Variants in SETD2 observed in about 807,000 individuals in gnomAD.
SETD2 encodes the protein histone-lysine N-methyltransferase SETD2.
Under a neutral mutation model 242.1 loss-of-function variants are expected in SETD2, and 31 were observed. The ratio of observed to expected loss-of-function variants is 0.13; its 90% confidence interval spans 0.10 to 0.17. The LOEUF is 0.17. Among genes scored for constraint, SETD2 ranks in the 10% least tolerant of loss-of-function variants. The pLI is 1.00. For synonymous variants in SETD2, 1,006 were observed against 1,066.5 expected (o/e 0.94, Z 1.11); for missense variants, 2,481 against 3,046.3 (o/e 0.81, Z 4.37).
In SETD2 at chr3:47,038,431, C is replaced by T. The variant is rs540921332; in HGVS notation, c.7239-654G>A. On this transcript the variant is annotated intron_variant, in intron 17 of 20. Coordinates refer to ENST00000409792, the MANE Select transcript of SETD2 (RefSeq NM_014159.7). ...GAGTTCGAGACCAGCCTGGCCAACACGGTGAAACCCCATCTCTACTATAAA... is the reference window on the plus strand; with the variant it reads ...GAGTTCGAGACCAGCCTGGCCAACATGGTGAAACCCCATCTCTACTATAAA... Among the ~76,000 whole-genome samples, 267 of 152,074 alleles carry T rather than the reference C, an allele frequency of 1.8e-3. 2 individuals are homozygous for T. Among genetic ancestry groups the T allele is most frequent in the African/African-American group, 6.1e-3 (254 of 41,492 alleles).
In SETD2 at chr3:47,120,902, T is replaced by C. The variant is rs554290065; in HGVS notation, c.3734A>G (p.His1245Arg). ...LSFSSSCEIPHVDGLHSSEEL... is the reference protein window; with the variant it reads ...LSFSSSCEIPRVDGLHSSEEL... ...TTCTGATGAGTGCAAGCCATCCACA[T>C]GTGGTATCTCACAAGAGGAAGAAAA... The change falls in exon 3 of 21, where the codon CAT becomes CGT. Residue 1245 changes from histidine (H) to arginine (R), a missense_variant. His to Arg is a conservative substitution (Grantham distance 29, BLOSUM62 0). Transcript: ENST00000409792. The C allele has an allele frequency of 6.2e-7, 1 of 1,614,216 alleles. No homozygotes were observed. The highest frequency in any genetic ancestry group is 2.2e-5 in the East Asian group (1 of 44,890).
Position 47,121,996 on chromosome 3 carries a change from A to C in SETD2, c.2640T>G (p.Ala880=), listed in dbSNP as rs1252783917. Reference sequence around the variant, plus strand: ...CTGGTGGAAGACTCTGAAGAGATGAAGCAATACCTGAACTCCCAATAGGTT... The same window carrying C: ...CTGGTGGAAGACTCTGAAGAGATGACGCAATACCTGAACTCCCAATAGGTT... ...LYQPIGSSGI[A]SSLQSLPPGI... The change falls in exon 3 of 21, where the codon GCT becomes GCG. Residue 880 remains alanine (A), a synonymous_variant. Transcript: ENST00000409792. 1 of 1,613,880 alleles carries C rather than the reference A, an allele frequency of 6.2e-7. No individual in the cohort carries two copies. The highest frequency in any genetic ancestry group is 1.3e-5 in the African/African-American group (1 of 74,940).
Position 47,122,521 on chromosome 3 carries a change from C to T in SETD2, c.2115G>A (p.Ser705=), listed in dbSNP as rs771398677. Residue 705 remains serine (S), a synonymous_variant, in exon 3 of 21, where the codon TCG becomes TCA. Transcript: ENST00000409792. ...ATGCTTTGACCAAAGGGGATAATTC[C>T]GATCCAGTCACACTATCATCAGAAG... ...LMTSDDSVTG[S]ELSPLVKACM... 23 of 1,613,926 alleles carry T rather than the reference C, an allele frequency of 1.4e-5. No homozygotes were observed. The Admixed American group carries it at 2.0e-4, about 14-fold the overall frequency.
chr3:47,037,799 C>A (rs937305764), intron 17 of SETD2, 22 bp from the exon 18 acceptor site: 3 of 1,561,396 alleles, frequency 1.9e-6, no homozygotes, highest in South Asian at 1.1e-5. Flanking sequence ...CAAAAACAGC[C>A]ATGCTGTCAG....
At chr3:47,131,289 C>T (rs1242722348) in intron 1 of SETD2, among the ~76,000 whole-genome samples, 2 of 152,132 alleles carry the variant, frequency 1.3e-5, no homozygotes, top group Non-Finnish European at 2.9e-5. Context: ...AGAACTGTGA[C>T]CAACAAATAG....
At chr3:47,073,983 T>C (rs1054365679) in intron 12 of SETD2, among the ~76,000 whole-genome samples, 3 of 152,222 alleles carry the variant, frequency 2.0e-5, no homozygotes, top group African/African-American at 7.2e-5. Flanking sequence ...TAATTTTTAG[T>C]AACTTAGCCA....
chr3:47,056,721 A>G (rs1007188244), intron 15 of SETD2, 100 bp downstream of exon 15: 2 of 875,564 alleles, frequency 2.3e-6, no homozygotes, highest in African/African-American at 1.7e-5. Flanking sequence ...ATCAATATAT[A>G]CAAGTAGTCC....
intron 8 of SETD2, among the ~76,000 whole-genome samples, chr3:47,100,026 G>A (rs1403905420): frequency 6.6e-6 from 1 of 150,988 alleles, no homozygotes; most frequent in Non-Finnish European, 1.5e-5. Context: ...AGGCTGGAGT[G>A]CAGTAGCACG....
At chr3:47,094,434 A>T (rs2041926776) in intron 9 of SETD2, among the ~76,000 whole-genome samples, 1 of 152,254 alleles carries the variant, frequency 6.6e-6, no homozygotes, top group Non-Finnish European at 1.5e-5. Context: ...CATTATTAAC[A>T]TCTTCTTGTC....
intron 12 of SETD2, among the ~76,000 whole-genome samples, chr3:47,077,211 A>C (rs1244758193): frequency 6.6e-6 from 1 of 152,090 alleles, no homozygotes; most frequent in Non-Finnish European, 1.5e-5. Context: ...CAGCCTCCCG[A>C]GTAGCTGGGA....
At chr3:47,134,455 A>T (rs2043548519) in intron 1 of SETD2, among the ~76,000 whole-genome samples, 1 of 152,162 alleles carries the variant, frequency 6.6e-6, no homozygotes, top group Admixed American at 6.6e-5. Context: ...GACTATGGTC[A>T]TACACATTTG....
At chr3:47,041,654 G>C (rs936689799) in intron 17 of SETD2, among the ~76,000 whole-genome samples, 4 of 151,390 alleles carry the variant, frequency 2.6e-5, no homozygotes, top group African/African-American at 4.9e-5. Context: ...CACACACACA[G>C]AGACACACAC....
At chr3:47,151,128 T>C (rs1000440929) in intron 1 of SETD2, among the ~76,000 whole-genome samples, 1 of 152,046 alleles carries the variant, frequency 6.6e-6, no homozygotes, top group African/African-American at 2.4e-5. Flanking sequence ...GAACATATTC[T>C]ATAATATATT....
In SETD2 at chr3:47,101,633, T is replaced by TGTGTGTGTGTGC. The variant is rs1553694870; in HGVS notation, c.4918-79_4918-78insGCACACACACAC. ...GTGTGTGTGTGTGTGTGTGTGTGTG[T>TGTGTGTGTGTGC]GCGCATATATAAAGATCATCATCAT... is the stretch of plus-strand genomic sequence containing the variant. On this transcript the variant is annotated intron_variant, in intron 7 of 20. Coordinates refer to ENST00000409792, the MANE Select transcript of SETD2 (RefSeq NM_014159.7). 24 of 670,380 alleles carry TGTGTGTGTGTGC rather than the reference T, an allele frequency of 3.6e-5. No homozygotes were observed. In the African/African-American group the frequency reaches 4.1e-4, roughly 11 times the overall value. The allele number at this position is 670,380 out of a possible 1,614,324, so 41.5% of individuals were successfully genotyped here. A position where few individuals can be genotyped will look rare whatever the true frequency, so the allele number is the denominator to read the frequency against.
At chr3:47,096,935 AC>A (rs1278069175) in intron 9 of SETD2, among the ~76,000 whole-genome samples, 4 of 152,008 alleles carry the variant, frequency 2.6e-5, no homozygotes, top group African/African-American at 7.3e-5. Flanking sequence ...GCTTTTTTTA[AC>A]TTTTTTTAAC....
At position 47,117,134 on chromosome 3, in the gene SETD2, C is replaced by T. The variant is rs144782401; in HGVS notation, c.4455-380G>A. Among the ~76,000 whole-genome samples, 495 of 152,054 alleles carry T rather than the reference C, an allele frequency of 3.3e-3. 3 individuals are homozygous for T. The highest frequency in any genetic ancestry group is 0.011 in the African/African-American group (463 of 41,498). ...CCTGCCTCCACTTCCCAAAGTGCTG[C>T]AATCGCAGGCATGATCCACTACGCC... On this transcript the variant is annotated intron_variant, in intron 3 of 20. Transcript: ENST00000409792.
chr3:47,043,697 C>T (rs972012584), intron 16 of SETD2, among the ~76,000 whole-genome samples: 2 of 152,152 alleles, frequency 1.3e-5, no homozygotes, highest in Non-Finnish European at 2.9e-5. Flanking sequence ...TAAGCAAACA[C>T]GGGTCTTTGA....
intron 12 of SETD2, among the ~76,000 whole-genome samples, chr3:47,074,477 TCTTGGTAAAGACCATAGCTA>T (rs1237782772): frequency 1.3e-5 from 2 of 152,216 alleles, no homozygotes; most frequent in African/African-American, 2.4e-5. Flanking sequence ...ATGGGTGTAT[TCTTGGTAAAGACCATAGCTA>T]CTCACAAGGC....
At chr3:47,039,082 TAAAAG>T (rs1256387147) in intron 17 of SETD2, among the ~76,000 whole-genome samples, 1 of 151,924 alleles carries the variant, frequency 6.6e-6, no homozygotes, top group Non-Finnish European at 1.5e-5. Context: ...TCTACCATAA[TAAAAG>T]AACCACAAGC....
Sources: allele counts gnomAD v4.1 joint callset (sites outside exome capture counted in the v4.1 genomes callset), GRCh38; gene constraint gnomAD v4.1.1; transcripts MANE v1.5; gene names NCBI Gene and HGNC (gene_info 2026-07-23, HGNC 2026-07-21).